ZNF217: variants seen among roughly 807,000 people sequenced by gnomAD.
ZNF217 encodes zinc finger protein 217.
A neutral mutation model predicts 73.3 loss-of-function variants in ZNF217; 12 were observed. The observed-to-expected ratio is 0.16, with a 90% confidence interval of 0.10 to 0.27. ZNF217 has a LOEUF of 0.27. Ranked by LOEUF, ZNF217 falls within the 10% of genes least tolerant of loss-of-function variation. The pLI, the probability that ZNF217 is intolerant of heterozygous loss-of-function variation, is 1.00. For synonymous variants in ZNF217, 588 were observed against 516.4 expected (o/e 1.14, Z -1.88); for missense variants, 1,195 against 1,327.8 (o/e 0.90, Z 1.55).
Position 53,571,741 on chromosome 20 carries a change from G to T in ZNF217, c.*3C>A. ...CTCACCTTTTTTCCCCCTAATTAGTGAATCAAGTTTTTTTGTCATTTGGTC... is the reference window on the plus strand; with the variant it reads ...CTCACCTTTTTTCCCCCTAATTAGTTAATCAAGTTTTTTTGTCATTTGGTC... On this transcript the variant is annotated 3_prime_UTR_variant, in exon 5 of 6. Transcript: ENST00000371471. 6.2e-7 allele frequency: 1 copy of T among 1,607,382 alleles called. No individual in the cohort carries two copies. Among genetic ancestry groups the T allele is most frequent in the East Asian group, 2.2e-5 (1 of 44,728 alleles).
At chr20:53,579,843 A>G (rs1988421180) in intron 2 of ZNF217, among the ~76,000 whole-genome samples, 1 of 152,248 alleles carries the variant, frequency 6.6e-6, no homozygotes, top group Non-Finnish European at 1.5e-5. Flanking sequence ...TAAGCAACTC[A>G]TAATTGGTCA....
Position 53,584,898 on chromosome 20 carries a change from AAC to A in ZNF217, c.-342-1732_-342-1731del, listed in dbSNP as rs374792832. ...TGAATAACAGCACATACCCTAGAAA[AAC>A]AGTTATCAAATTCTGACAACGCTGT... On this transcript the variant is annotated intron_variant, in intron 1 of 5. Coordinates refer to ENST00000371471, the MANE Select transcript of ZNF217 (RefSeq NM_006526.3). 7.2e-5 allele frequency among the ~76,000 whole-genome samples: 11 copies of A among 152,300 alleles called. No homozygotes were observed. In the East Asian group the frequency reaches 1.2e-3, roughly 16 times the overall value.
chr20:53,570,712 T>C (rs1356746644), intron 5 of ZNF217, among the ~76,000 whole-genome samples: 1 of 152,216 alleles, frequency 6.6e-6, no homozygotes, highest in Non-Finnish European at 1.5e-5. Context: ...CTCACATACT[T>C]GCTCCTGTCC....
At chr20:53,596,125 A>G (rs2145993549), upstream of ZNF217, among the ~76,000 whole-genome samples, 2 of 152,142 alleles carry the variant, frequency 1.3e-5, no homozygotes, top group South Asian at 2.1e-4. Flanking sequence ...CCTTGTTGCT[A>G]CTGAATTATT....
At chr20:53,588,846 A>G (rs1988789662) in intron 1 of ZNF217, among the ~76,000 whole-genome samples, 1 of 152,208 alleles carries the variant, frequency 6.6e-6, no homozygotes, top group Admixed American at 6.5e-5. Context: ...GGCTCTTTCC[A>G]GTCACCTGTT....
rs1168811174 is a variant in ZNF217 at position 53,581,106 on chromosome 20, AT to A, written c.1366+354del. Reference sequence around the variant, plus strand: ...TGCCTCCAGACATTGCCAGATACTGATTGGGAACAAAATCGCCCCAGTTAAG... The same window carrying A: ...TGCCTCCAGACATTGCCAGATACTGATGGGAACAAAATCGCCCCAGTTAAG... On this transcript the variant is annotated intron_variant, in intron 2 of 5. Coordinates refer to ENST00000371471, the MANE Select transcript of ZNF217 (RefSeq NM_006526.3). This position sits in a 1 kb window ranked among gnomAD's most constrained non-coding sequence, Gnocchi z 4.9. 1.3e-5 allele frequency among the ~76,000 whole-genome samples: 2 copies of A among 152,110 alleles called. No individual in the cohort carries two copies. The highest frequency in any genetic ancestry group is 2.4e-5 in the African/African-American group (1 of 41,412).
intron 1 of ZNF217, among the ~76,000 whole-genome samples, chr20:53,584,301 ATACTT>A (rs930831635): frequency 6.6e-6 from 1 of 152,220 alleles, no homozygotes; most frequent in Admixed American, 6.5e-5. Context: ...AAACAAAAGC[ATACTT>A]TACTTTCCTC....
chr20:53,568,113 T>C lies in ZNF217; in HGVS notation c.*1175A>G, dbSNP rs1987821954. 1.3e-5 allele frequency: 2 copies of C among 152,210 alleles called. No homozygotes were observed. Among genetic ancestry groups the C allele is most frequent in the South Asian group, 4.1e-4 (2 of 4,824 alleles). The allele number at this position is 152,210 out of a possible 1,614,324, so 9.4% of individuals were successfully genotyped here. A position where few individuals can be genotyped will look rare whatever the true frequency, so the allele number is the denominator to read the frequency against. On this transcript the variant is annotated 3_prime_UTR_variant, in exon 6 of 6. Coordinates refer to ENST00000371471, the MANE Select transcript of ZNF217 (RefSeq NM_006526.3). Reference sequence around the variant, plus strand: ...AAACAACCAAAAATGGGAAAATAACTGAGGTCTAGAAACAGATTTTCTCTT... The same window carrying C: ...AAACAACCAAAAATGGGAAAATAACCGAGGTCTAGAAACAGATTTTCTCTT...
chr20:53,584,266 C>CT (rs927910272), intron 1 of ZNF217, among the ~76,000 whole-genome samples: 6 of 152,228 alleles, frequency 3.9e-5, no homozygotes, highest in Non-Finnish European at 2.9e-5. Flanking sequence ...GGCATGCAAA[C>CT]TACTCCCAGC....
rs760785621 is a variant in ZNF217 at position 53,582,734 on chromosome 20, C to T, written c.93G>A (p.Pro31=). The T allele has an allele frequency of 5.0e-6, 8 of 1,614,012 alleles. No homozygotes were observed. The African/African-American group carries it at 5.3e-5, about 11-fold the overall frequency. ...TTGACAAGGCATCCTCCATCTCCAT[C>T]GGACTGCCAAGAGAGCTGCCAATCA... ...PEVIGSSLGS[P]MEMEDALSMK... The change falls in exon 2 of 6, where the codon CCG becomes CCA. Residue 31 remains proline (P), a synonymous_variant. Coordinates refer to ENST00000371471, the MANE Select transcript of ZNF217 (RefSeq NM_006526.3). The surrounding 1 kb of genome is among the most constrained non-coding windows in gnomAD (Gnocchi z 4.8).
At chr20:53,591,335 T>C (rs947212901) in intron 1 of ZNF217, among the ~76,000 whole-genome samples, 1 of 152,242 alleles carries the variant, frequency 6.6e-6, no homozygotes, top group African/African-American at 2.4e-5. Flanking sequence ...ATAAAAGTCA[T>C]ATCTTGTCCT....
chr20:53,581,543 C>T lies in ZNF217; in HGVS notation c.1284G>A (p.Leu428=). The T allele has an allele frequency of 6.2e-7, 1 of 1,614,190 alleles. No individual in the cohort carries two copies. The highest frequency in any genetic ancestry group is 1.6e-4 in the Middle Eastern group (1 of 6,062). The change falls in exon 2 of 6, where the codon CTG becomes CTA. Residue 428 remains leucine, a synonymous_variant. Transcript: ENST00000371471. This position sits in a 1 kb window ranked among gnomAD's most constrained non-coding sequence, Gnocchi z 4.9. ...CTCGATCCACGGCTCCATTTTCATCCAGAGGGGCGGCGAGGTCAGGAGAAC... is the reference window on the plus strand; with the variant it reads ...CTCGATCCACGGCTCCATTTTCATCTAGAGGGGCGGCGAGGTCAGGAGAAC... ...GTCSPDLAAP[L]DENGAVDRGE...
At chr20:53,586,922 T>C (rs189906681) in intron 1 of ZNF217, among the ~76,000 whole-genome samples, 2 of 152,334 alleles carry the variant, frequency 1.3e-5, no homozygotes, top group East Asian at 1.9e-4. Flanking sequence ...CAGGATATTA[T>C]AATCCAACAC....
At position 53,582,043 on chromosome 20, in the gene ZNF217, T is replaced by C. The variant is rs181973495; in HGVS notation, c.784A>G (p.Arg262Gly). The C allele has an allele frequency of 1.2e-5, 20 of 1,614,254 alleles. No individual in the cohort carries two copies. The Admixed American group carries it at 1.3e-4, about 11-fold the overall frequency. ...DSPQGGMPSS[R>G]EDFLQLFNLR... ...TTGAACAACTGCAGGAAGTCCTCCCTCGAGGACGGCATTCCTCCTTGTGGA... is the reference window on the plus strand; with the variant it reads ...TTGAACAACTGCAGGAAGTCCTCCCCCGAGGACGGCATTCCTCCTTGTGGA... The change falls in exon 2 of 6, where the codon AGG becomes GGG. Residue 262 changes from arginine to glycine, a missense_variant. Transcript: ENST00000371471. The surrounding 1 kb of genome is among the most constrained non-coding windows in gnomAD (Gnocchi z 4.8).
At chr20:53,584,846 T>C (rs1354373841) in intron 1 of ZNF217, among the ~76,000 whole-genome samples, 2 of 152,206 alleles carry the variant, frequency 1.3e-5, no homozygotes, top group Admixed American at 1.3e-4. Flanking sequence ...ATTTACTGAA[T>C]GCTAGCGTCC....
upstream of ZNF217, among the ~76,000 whole-genome samples, chr20:53,595,246 A>G (rs187683337): frequency 6.6e-6 from 1 of 152,244 alleles, no homozygotes; most frequent in East Asian, 1.9e-4. Flanking sequence ...CAATTTTTCT[A>G]CCCCAAAATG....
chr20:53,596,014 C>G (rs375385687), upstream of ZNF217, among the ~76,000 whole-genome samples: 4 of 152,084 alleles, frequency 2.6e-5, no homozygotes, highest in South Asian at 6.2e-4. Context: ...CAAAATCGAG[C>G]AAAAAGAAAA....
At chr20:53,571,648 C>T (rs1600710763) in intron 5 of ZNF217, 73 bp downstream of exon 5, 1 of 1,491,524 alleles carries the variant, frequency 6.7e-7, no homozygotes, top group Non-Finnish European at 8.9e-7. Context: ...CTCAGGTGAT[C>T]CGCCCGCCCT....
At chr20:53,591,141 T>C (rs1988865440) in intron 1 of ZNF217, among the ~76,000 whole-genome samples, 1 of 152,150 alleles carries the variant, frequency 6.6e-6, no homozygotes, top group Admixed American at 6.5e-5. Context: ...CTAAGTGGTG[T>C]ATTAGTTCCT....
Sources: allele counts gnomAD v4.1 joint callset (sites outside exome capture counted in the v4.1 genomes callset), GRCh38; gene constraint gnomAD v4.1.1; non-coding constraint Gnocchi (gnomAD v3.1); transcripts MANE v1.5; gene names NCBI Gene and HGNC (gene_info 2026-07-23, HGNC 2026-07-21).